EYS: variants seen among roughly 807,000 people sequenced by gnomAD.
The protein encoded by EYS is EGF-like photoreceptor maintenance factor.
A neutral mutation model predicts 282.1 loss-of-function variants in EYS; 250 were observed. The observed-to-expected ratio is 0.89, with a 90% confidence interval of 0.80 to 0.98. The LOEUF is 0.98. Ranked by LOEUF, EYS falls within the 50% of genes least tolerant of loss-of-function variation. The pLI is 0.00. For synonymous variants in EYS, 1,355 were observed against 1,282.9 expected (o/e 1.06, Z -1.20); for missense variants, 4,016 against 3,709.0 (o/e 1.08, Z -2.15).
intron 5 of EYS, among the ~76,000 whole-genome samples, chr6:65,486,086 T>C (rs1044091347): frequency 1.1e-4 from 16 of 152,178 alleles, no homozygotes; most frequent in Non-Finnish European, 5.9e-5. Flanking sequence ...TTTGATCAAA[T>C]ATAGAAAAAT....
At chr6:64,845,771 A>C (rs1765697850) in intron 19 of EYS, among the ~76,000 whole-genome samples, 1 of 152,108 alleles carries the variant, frequency 6.6e-6, no homozygotes, top group Non-Finnish European at 1.5e-5. Flanking sequence ...CATTCCTTCT[A>C]ACAAACATCT....
In EYS at chr6:65,016,148, G is replaced by A. The variant is rs57862124; in HGVS notation, c.2138-18445C>T. On this transcript the variant is annotated intron_variant, in intron 13 of 42. Coordinates refer to ENST00000503581, the MANE Select transcript of EYS (RefSeq NM_001142800.2). ...GGAGGCCGAGGTGGACAAATCACCC[G>A]AGGTTAGGAGCTCAAGACCCGCTTG... is the stretch of plus-strand genomic sequence containing the variant. Among the ~76,000 whole-genome samples the A allele has an allele frequency of 6.4e-3, 961 of 150,530 alleles. 18 individuals carry two copies. Among genetic ancestry groups the A allele is most frequent in the African/African-American group, 0.021 (857 of 41,156 alleles).
chr6:65,382,624 G>A (rs116790971), intron 8 of EYS, among the ~76,000 whole-genome samples: 1,839 of 151,808 alleles, frequency 0.012, 34 homozygotes, highest in African/African-American at 0.043. Context: ...ACTATCACAG[G>A]GTCCCACAGT....
chr6:64,671,526 G>T (rs1769462303), intron 22 of EYS, among the ~76,000 whole-genome samples: 1 of 152,114 alleles, frequency 6.6e-6, no homozygotes, highest in Non-Finnish European at 1.5e-5. Flanking sequence ...CCGACCAAAA[G>T]AGCTAAGAAC....
intron 12 of EYS, among the ~76,000 whole-genome samples, chr6:65,212,901 TTAA>T (rs1766209197): frequency 6.6e-6 from 1 of 152,110 alleles, no homozygotes. Flanking sequence ...TAAAAATATA[TTAA>T]TAATTAATTG....
chr6:65,242,099 A>C (rs1428418946), intron 12 of EYS, among the ~76,000 whole-genome samples: 1 of 152,098 alleles, frequency 6.6e-6, no homozygotes, highest in African/African-American at 2.4e-5. Flanking sequence ...AAATAGCTTT[A>C]TGTGTAAAAT....
chr6:65,364,246 T>C, intron 8 of EYS, among the ~76,000 whole-genome samples: 1 of 78,214 alleles, frequency 1.3e-5, no homozygotes, highest in East Asian at 3.2e-4. Context: ...ATCAACTAAA[T>C]GTTTTTTTTT....
intron 33 of EYS, among the ~76,000 whole-genome samples, chr6:63,999,394 T>C (rs192687686): frequency 2.6e-5 from 4 of 152,344 alleles, no homozygotes; most frequent in African/African-American, 9.6e-5. Context: ...CCTTCTCTCC[T>C]ACTGACTTTA....
At chr6:64,171,049 C>T (rs752062976) in intron 31 of EYS, among the ~76,000 whole-genome samples, 3 of 152,110 alleles carry the variant, frequency 2.0e-5, no homozygotes, top group Non-Finnish European at 4.4e-5. Flanking sequence ...ATTGCTTATC[C>T]GTAAATTTAT....
intron 12 of EYS, among the ~76,000 whole-genome samples, chr6:65,152,224 T>A (rs1051184386): frequency 6.6e-6 from 1 of 151,964 alleles, no homozygotes; most frequent in African/African-American, 2.4e-5. Context: ...TTCTGTTAGA[T>A]AATTATGCTG....
At chr6:64,211,591 A>G (rs1050253512) in intron 31 of EYS, among the ~76,000 whole-genome samples, 1 of 130,496 alleles carries the variant, frequency 7.7e-6, no homozygotes, top group African/African-American at 2.8e-5. Flanking sequence ...TCATATATTA[A>G]TCTAATTTAA....
intron 12 of EYS, among the ~76,000 whole-genome samples, chr6:65,123,932 C>G (rs1775643464): frequency 6.6e-6 from 1 of 152,100 alleles, no homozygotes; most frequent in East Asian, 1.9e-4. Context: ...GTAATCCCAG[C>G]ACTTTGGGAG....
intron 35 of EYS, among the ~76,000 whole-genome samples, chr6:63,893,441 T>G (rs1773458182): frequency 6.6e-6 from 1 of 151,814 alleles, no homozygotes; most frequent in African/African-American, 2.4e-5. Context: ...CAAGGATGAG[T>G]CTGGAAACCA....
At chr6:65,145,505 T>C (rs1226405315) in intron 12 of EYS, among the ~76,000 whole-genome samples, 2 of 147,960 alleles carry the variant, frequency 1.4e-5, no homozygotes, top group Admixed American at 1.3e-4. Context: ...TGTCAGACTA[T>C]GTAAGAGGAA....
chr6:63,871,559 G>A (rs1274728201), intron 35 of EYS, among the ~76,000 whole-genome samples: 4 of 152,106 alleles, frequency 2.6e-5, no homozygotes, highest in Non-Finnish European at 4.4e-5. Flanking sequence ...CTACTCAGGA[G>A]GCTGAGGTGG....
intron 12 of EYS, among the ~76,000 whole-genome samples, chr6:65,185,714 A>G (rs1363726570): frequency 2.0e-5 from 3 of 151,750 alleles, no homozygotes; most frequent in African/African-American, 7.2e-5. Context: ...GGAGAATGGC[A>G]CTGTATTTTG....
intron 19 of EYS, among the ~76,000 whole-genome samples, chr6:64,868,547 C>T (rs972971602): frequency 7.3e-5 from 11 of 151,400 alleles, no homozygotes; most frequent in Non-Finnish European, 1.5e-4. Flanking sequence ...TTACGCAAAA[C>T]ATTTAGGTAT....
chr6:64,010,244 C>T (rs1768546588), intron 33 of EYS, among the ~76,000 whole-genome samples: 1 of 152,178 alleles, frequency 6.6e-6, no homozygotes, highest in Non-Finnish European at 1.5e-5. Context: ...ATGCCTGCAC[C>T]GTGGCAGAGT....
chr6:64,427,521 T>C (rs73767804), intron 28 of EYS, among the ~76,000 whole-genome samples: 1 of 152,018 alleles, frequency 6.6e-6, no homozygotes, highest in South Asian at 2.1e-4. Flanking sequence ...TGATTTAACT[T>C]GAAGCTTGCT....
Sources: gnomAD v4.1 joint callset for allele counts (sites outside exome capture counted in the v4.1 genomes callset) on GRCh38, gnomAD v4.1.1 for gene constraint, MANE v1.5 for transcripts, NCBI Gene and HGNC (gene_info 2026-07-23, HGNC 2026-07-21) for gene names.